Variants in KALRN observed in about 807,000 individuals in gnomAD.
The protein encoded by KALRN is kalirin RhoGEF kinase.
A neutral mutation model predicts 353.7 loss-of-function variants in KALRN; 70 were observed. The observed-to-expected ratio is 0.20, with a 90% CI of 0.16 to 0.24. The LOEUF is 0.24. KALRN is among the 10% of genes least tolerant of loss of function. The pLI, the probability that KALRN is intolerant of heterozygous loss-of-function variation, is 1.00. For missense variants in KALRN, 2,791 were observed against 3,756.7 expected, an observed-to-expected ratio of 0.74 and a Z score of 6.72; for synonymous variants, 1,391 against 1,434.8, an observed-to-expected ratio of 0.97 and a Z score of 0.69.
chr3:124,342,599 A>T lies in KALRN; in HGVS notation c.1648-4544A>T, dbSNP rs186251293. Among the ~76,000 whole-genome samples, 342 of 152,226 alleles carry T rather than the reference A, an allele frequency of 2.2e-3. 3 individuals are homozygous for T. Among genetic ancestry groups the T allele is most frequent in the African/African-American group, 8.1e-3 (335 of 41,540 alleles). ...GGTTGAAGTTATATTTTTAAAATGG[A>T]TTTGGTATTCCGTTTTATTATTGGG... On this transcript the variant is annotated intron_variant, in intron 9 of 59. Coordinates refer to ENST00000682506, the MANE Select transcript of KALRN (RefSeq NM_001388419.1).
chr3:124,570,091 A>G (rs2073347152), intron 34 of KALRN, among the ~76,000 whole-genome samples: 1 of 152,080 alleles, frequency 6.6e-6, no homozygotes, highest in South Asian at 2.1e-4. Flanking sequence ...TCTGCCTACC[A>G]GGAGAGTCCT....
chr3:124,718,544 A>G (rs1340505845), intron 59 of KALRN, among the ~76,000 whole-genome samples: 1 of 152,218 alleles, frequency 6.6e-6, no homozygotes, highest in Non-Finnish European at 1.5e-5. Flanking sequence ...GGGAAGTTCT[A>G]CCTACCTAAT....
intron 1 of KALRN, among the ~76,000 whole-genome samples, chr3:124,155,727 A>T (rs139859869): frequency 1.3e-3 from 191 of 152,348 alleles, no homozygotes; most frequent in African/African-American, 4.5e-3. Context: ...GATTCAACTG[A>T]AAATGATTAT....
Position 124,045,010 on chromosome 3 carries a change from A to G in KALRN, c.73+11197A>G, listed in dbSNP as rs910162382. On this transcript the variant is annotated intron_variant, in intron 1 of 59. Coordinates refer to ENST00000682506, the MANE Select transcript of KALRN (RefSeq NM_001388419.1). ...AGTTACAATTATTCCAAGGCATGACAGGCGGGGATTAGGGATGAGGCTAAA... is the reference window on the plus strand; with the variant it reads ...AGTTACAATTATTCCAAGGCATGACGGGCGGGGATTAGGGATGAGGCTAAA... 3.3e-5 allele frequency among the ~76,000 whole-genome samples: 5 copies of G among 151,942 alleles called. No homozygotes were observed. The East Asian group carries it at 9.6e-4, about 29-fold the overall frequency.
chr3:124,167,316 A>T (rs369392116), intron 1 of KALRN, among the ~76,000 whole-genome samples: 4 of 152,168 alleles, frequency 2.6e-5, no homozygotes, highest in African/African-American at 9.7e-5. Flanking sequence ...CTTCGCTCTT[A>T]CCCTGGGATA....
At chr3:124,050,918 C>G (rs989673738) in intron 1 of KALRN, among the ~76,000 whole-genome samples, 2 of 152,086 alleles carry the variant, frequency 1.3e-5, no homozygotes, top group Non-Finnish European at 2.9e-5. Flanking sequence ...TTCCTTGAGG[C>G]AAATAGATGC....
intron 10 of KALRN, among the ~76,000 whole-genome samples, chr3:124,362,359 T>G (rs1040274026): frequency 6.6e-6 from 1 of 152,218 alleles, no homozygotes; most frequent in East Asian, 1.9e-4. Flanking sequence ...AACAGATCAT[T>G]ACATCTGAGT....
chr3:124,514,957 C>A (rs1190028845), intron 33 of KALRN, among the ~76,000 whole-genome samples: 1 of 152,190 alleles, frequency 6.6e-6, no homozygotes, highest in Non-Finnish European at 1.5e-5. Context: ...GCTGTTTATT[C>A]TGTCTTAGCC....
intron 3 of KALRN, among the ~76,000 whole-genome samples, chr3:124,260,676 G>A (rs1416330574): frequency 6.6e-6 from 1 of 152,074 alleles, no homozygotes; most frequent in Non-Finnish European, 1.5e-5. Context: ...ACTGTATGTG[G>A]GTGAGTCATC....
intron 37 of KALRN, among the ~76,000 whole-genome samples, chr3:124,650,566 G>A (rs2083296385): frequency 6.6e-6 from 1 of 152,204 alleles, no homozygotes; most frequent in Non-Finnish European, 1.5e-5. Flanking sequence ...ATTTCATTAT[G>A]TCTGGGAAAT....
chr3:124,130,034 A>G (rs989779732), intron 1 of KALRN, among the ~76,000 whole-genome samples: 2 of 152,236 alleles, frequency 1.3e-5, no homozygotes, highest in African/African-American at 2.4e-5. Context: ...AGCAAGTGAA[A>G]TGAATAACAA....
chr3:124,180,393 C>T (rs1178082396), intron 1 of KALRN, among the ~76,000 whole-genome samples: 1 of 152,152 alleles, frequency 6.6e-6, no homozygotes, highest in Non-Finnish European at 1.5e-5. Context: ...GTGTTGCCTT[C>T]CCCCAGCTTT....
intron 33 of KALRN, among the ~76,000 whole-genome samples, chr3:124,516,887 G>A (rs772889700): frequency 3.7e-4 from 56 of 151,618 alleles, no homozygotes; most frequent in Admixed American, 6.6e-4. Context: ...GTGCAATCTC[G>A]GCTCACTGCA....
At chr3:124,176,801 A>G (rs992729345) in intron 1 of KALRN, among the ~76,000 whole-genome samples, 5 of 152,158 alleles carry the variant, frequency 3.3e-5, no homozygotes, top group African/African-American at 1.2e-4. Flanking sequence ...CTAACTGTAG[A>G]TTAGTTCTCT....
intron 34 of KALRN, among the ~76,000 whole-genome samples, chr3:124,596,486 AAAC>A (rs1423191704): frequency 2.8e-4 from 42 of 152,266 alleles, no homozygotes; most frequent in African/African-American, 8.7e-4. Flanking sequence ...ACAAACAAAA[AAAC>A]CCCACAATAG....
At chr3:124,384,730 A>G in intron 10 of KALRN, 115 bp from the exon 11 acceptor site, 1 of 1,007,748 alleles carries the variant, frequency 9.9e-7, no homozygotes, top group Non-Finnish European at 1.4e-6. Context: ...GTGCCAGATC[A>G]GGGAGCTGTC....
At chr3:124,144,588 T>A (rs1462085108) in intron 1 of KALRN, among the ~76,000 whole-genome samples, 1 of 151,518 alleles carries the variant, frequency 6.6e-6, no homozygotes, top group East Asian at 2.0e-4. Flanking sequence ...CTCCTCCTCT[T>A]CCTCGTCTTC....
At chr3:124,533,728 G>A (rs955917146) in intron 33 of KALRN, among the ~76,000 whole-genome samples, 1 of 152,166 alleles carries the variant, frequency 6.6e-6, no homozygotes, top group African/African-American at 2.4e-5. Context: ...AGAGGTGCAA[G>A]CACATTAAGG....
chr3:124,197,093 G>A (rs528366048), intron 1 of KALRN, among the ~76,000 whole-genome samples: 8 of 151,980 alleles, frequency 5.3e-5, no homozygotes, highest in African/African-American at 1.9e-4. Flanking sequence ...TGGACATTTT[G>A]GATTTTTTTT....
Sources: gnomAD v4.1 joint callset for allele counts (sites outside exome capture counted in the v4.1 genomes callset) on GRCh38, gnomAD v4.1.1 for gene constraint, MANE v1.5 for transcripts, NCBI Gene and HGNC (gene_info 2026-07-23, HGNC 2026-07-21) for gene names.